DIAPH2: variants seen among roughly 807,000 people sequenced by gnomAD.
DIAPH2 encodes diaphanous related formin 2.
A neutral mutation model predicts 92.7 loss-of-function variants in DIAPH2; 35 were observed. The observed-to-expected ratio is 0.38, with a 90% CI of 0.29 to 0.50. The LOEUF is 0.50. Ranked by LOEUF, DIAPH2 falls within the 20% of genes least tolerant of loss-of-function variation. The pLI is 0.94. For synonymous variants in DIAPH2, 301 were observed against 280.4 expected (o/e 1.07, Z -0.73); for missense variants, 701 against 819.5 (o/e 0.86, Z 1.77).
chrX:97,236,545 A>ATTTTTTTTTTTTTTTTTTTTTTTTTT (rs200824073), intron 22 of DIAPH2, among the ~76,000 whole-genome samples: 1 of 87,527 alleles, frequency 1.1e-5, no homozygotes. Flanking sequence ...TTTCATTTTC[A>ATTTTTTTTTTTTTTTTTTTTTTTTTT]TTTTTTTTTT....
chrX:96,961,369 T>C (rs1480539737), intron 16 of DIAPH2, among the ~76,000 whole-genome samples: 1 of 109,200 alleles, frequency 9.2e-6, no homozygotes, highest in Non-Finnish European at 1.9e-5. Context: ...AGGTCTCCTC[T>C]TCCATTTCTG....
chrX:97,185,401 A>ATATATATG (rs2067582040), intron 22 of DIAPH2, among the ~76,000 whole-genome samples: 2 of 62,439 alleles, frequency 3.2e-5, no homozygotes, highest in Non-Finnish European at 5.2e-5. Context: ...ATGTGTATAT[A>ATATATATG]TATATATATG....
chrX:97,172,617 T>C (rs763791967), intron 22 of DIAPH2, among the ~76,000 whole-genome samples: 1 of 112,341 alleles, frequency 8.9e-6, no homozygotes, highest in South Asian at 3.7e-4. Context: ...AATGCACTGC[T>C]TGAAAAATCA....
chrX:96,942,342 T>C (rs1307249477), intron 13 of DIAPH2, among the ~76,000 whole-genome samples: 1 of 110,961 alleles, frequency 9.0e-6, no homozygotes, highest in Non-Finnish European at 1.9e-5. Context: ...TGATTAGAAA[T>C]ATTAACCTGT....
Position 97,114,084 on chromosome X carries a change from T to G in DIAPH2, c.2350-642T>G, listed in dbSNP as rs1271807568. 4.5e-5 allele frequency among the ~76,000 whole-genome samples: 5 copies of G among 112,288 alleles called. No homozygotes were observed. The Admixed American group carries it at 4.7e-4, about 11-fold the overall frequency. On this transcript the variant is annotated intron_variant, in intron 20 of 26. Transcript: ENST00000324765. ...ATTGAAGAAAACCAATGTAGAATTC[T>G]TGCATAATGTACTTGAAAGTAAGTT...
chrX:97,095,323 A>G (rs368917022), intron 19 of DIAPH2, among the ~76,000 whole-genome samples: 2 of 104,264 alleles, frequency 1.9e-5, no homozygotes, highest in South Asian at 4.5e-4. Flanking sequence ...TCACCGTGTT[A>G]GCCAGGATGG....
At chrX:97,400,951 C>T (rs1401054487) in intron 25 of DIAPH2, among the ~76,000 whole-genome samples, 2 of 106,032 alleles carry the variant, frequency 1.9e-5, no homozygotes, top group Non-Finnish European at 3.9e-5. Context: ...AGGCTGGCCA[C>T]GAACTCCTGG....
chrX:97,318,403 C>A (rs1429100551), intron 23 of DIAPH2, among the ~76,000 whole-genome samples: 4 of 107,828 alleles, frequency 3.7e-5, no homozygotes, highest in Non-Finnish European at 5.7e-5. Context: ...TCTCAAAGTG[C>A]TGGGATTACA....
At chrX:96,806,268 C>A (rs2064623599) in intron 4 of DIAPH2, among the ~76,000 whole-genome samples, 1 of 111,588 alleles carries the variant, frequency 9.0e-6, no homozygotes, top group Non-Finnish European at 1.9e-5. Flanking sequence ...ACAGATAAAT[C>A]CTCAGTTTTC....
intron 23 of DIAPH2, among the ~76,000 whole-genome samples, chrX:97,347,235 C>T (rs1007820302): frequency 5.6e-5 from 6 of 107,773 alleles, no homozygotes; most frequent in Non-Finnish European, 9.6e-5. Flanking sequence ...AGTACAGGCG[C>T]GTGTCACCAT....
At chrX:97,378,131 C>T (rs993384687) in intron 24 of DIAPH2, among the ~76,000 whole-genome samples, 1 of 109,740 alleles carries the variant, frequency 9.1e-6, no homozygotes, top group Non-Finnish European at 1.9e-5. Flanking sequence ...ACCTACAATC[C>T]CAGCACTTTA....
intron 4 of DIAPH2, among the ~76,000 whole-genome samples, chrX:96,797,064 G>A (rs1221023633): frequency 8.9e-6 from 1 of 111,796 alleles, no homozygotes; most frequent in Non-Finnish European, 1.9e-5. Flanking sequence ...ATTTTGGAAA[G>A]ACATTTTCAC....
At chrX:96,926,628 T>G (rs2065583618) in intron 9 of DIAPH2, among the ~76,000 whole-genome samples, 1 of 111,627 alleles carries the variant, frequency 9.0e-6, no homozygotes, top group African/African-American at 3.3e-5. Context: ...CTGATAATGA[T>G]TCAGTGTAGT....
chrX:97,359,916 C>T (rs1026531999), intron 24 of DIAPH2, among the ~76,000 whole-genome samples: 1 of 111,540 alleles, frequency 9.0e-6, no homozygotes, highest in African/African-American at 3.3e-5. Flanking sequence ...TATTTTTGCT[C>T]ATATCCATTT....
chrX:96,839,028 G>C (rs1281601321), intron 4 of DIAPH2, among the ~76,000 whole-genome samples: 1 of 111,480 alleles, frequency 9.0e-6, no homozygotes, highest in African/African-American at 3.3e-5. Flanking sequence ...TTGTTAATTA[G>C]AGAGAAAAAA....
At chrX:97,122,697 T>G (rs374200842) in intron 21 of DIAPH2, among the ~76,000 whole-genome samples, 3 of 112,118 alleles carry the variant, frequency 2.7e-5, no homozygotes, top group African/African-American at 9.7e-5. Flanking sequence ...TAATTTGTCT[T>G]GAAAAAAATT....
Position 97,058,401 on chromosome X carries a change from C to T in DIAPH2, c.2051-14540C>T, listed in dbSNP as rs186071415. On this transcript the variant is annotated intron_variant, in intron 17 of 26. Coordinates refer to ENST00000324765, the MANE Select transcript of DIAPH2 (RefSeq NM_006729.5). ...TCTCATTTCTTGTAATATGGCTTCT[C>T]TTATCATTGCTCTTTTGAAATTGCT... Among the ~76,000 whole-genome samples, 770 of 108,224 alleles carry T rather than the reference C, an allele frequency of 7.1e-3. 6 individuals carry two copies. Among genetic ancestry groups the T allele is most frequent in the African/African-American group, 0.024 (719 of 29,795 alleles). The allele number at this position is 108,224 out of a possible 115,157, so 94.0% of individuals were successfully genotyped here. A position where few individuals can be genotyped will look rare whatever the true frequency, so the allele number is the denominator to read the frequency against.
rs146562925 is a variant in DIAPH2, at chrX:96,908,914, G to C, written c.588-3414G>C. ...GCTCCCGGCCCTCAACTGGATTCCT[G>C]ATCTGTGTTCTGCGGCACTGGGAGG... On this transcript the variant is annotated intron_variant, in intron 5 of 26. Coordinates refer to ENST00000324765, the MANE Select transcript of DIAPH2 (RefSeq NM_006729.5). 9.8e-5 allele frequency among the ~76,000 whole-genome samples: 11 copies of C among 111,677 alleles called. No individual in the cohort carries two copies. In the East Asian group the frequency reaches 3.1e-3, roughly 32 times the overall value.
At chrX:96,815,076 CAGG>C (rs2147667461) in intron 4 of DIAPH2, among the ~76,000 whole-genome samples, 1 of 112,416 alleles carries the variant, frequency 8.9e-6, no homozygotes, top group South Asian at 3.7e-4. Context: ...AGCTGTCAGA[CAGG>C]GATGTTTAAG....
Sources: gnomAD v4.1 joint callset for allele counts (sites outside exome capture counted in the v4.1 genomes callset) on GRCh38, gnomAD v4.1.1 for gene constraint, MANE v1.5 for transcripts, NCBI Gene and HGNC (gene_info 2026-07-23, HGNC 2026-07-21) for gene names.